AGMO: variants seen among roughly 807,000 people sequenced by gnomAD.
AGMO encodes alkylglycerol monooxygenase, also known as glyceryl-ether monooxygenase.
In AGMO, 75 loss-of-function variants were observed where a neutral mutation model predicts 60.2. The ratio of observed to expected loss-of-function variants is 1.25; its 90% CI spans 1.03 to 1.51. AGMO has a LOEUF of 1.51. Ranked by LOEUF, AGMO falls within the 40% of genes most tolerant of loss-of-function variation. The pLI, the probability that AGMO is intolerant of heterozygous loss-of-function variation, is 0.00. For synonymous variants in AGMO, 261 were observed against 177.1 expected, an observed-to-expected ratio of 1.47 and a Z score of -3.76; for missense variants, 763 against 525.5, an observed-to-expected ratio of 1.45 and a Z score of -4.42.
chr7:15,556,267 G>T (rs1161371965), intron 2 of AGMO, among the ~76,000 whole-genome samples: 2 of 137,478 alleles, frequency 1.5e-5, no homozygotes, highest in East Asian at 4.3e-4. Context: ...TTCTTGTCAG[G>T]AATGGAAAAT....
chr7:15,535,043 T>C (rs1784455075), intron 3 of AGMO, among the ~76,000 whole-genome samples: 1 of 151,970 alleles, frequency 6.6e-6, no homozygotes, highest in South Asian at 2.1e-4. Context: ...GTGAAAATTA[T>C]ACTTTTGTTA....
At chr7:15,338,688 A>G (rs1305344847) in intron 12 of AGMO, among the ~76,000 whole-genome samples, 2 of 152,128 alleles carry the variant, frequency 1.3e-5, no homozygotes. Flanking sequence ...AGGGCTATAT[A>G]CAGCTAGTTG....
At chr7:15,552,982 T>C (rs1237941577) in intron 2 of AGMO, among the ~76,000 whole-genome samples, 1 of 152,068 alleles carries the variant, frequency 6.6e-6, no homozygotes, top group Non-Finnish European at 1.5e-5. Flanking sequence ...CATGGAATAC[T>C]ACACAGCCAT....
chr7:15,241,690 AC>A (rs1265547734), intron 12 of AGMO, among the ~76,000 whole-genome samples: 1 of 151,284 alleles, frequency 6.6e-6, no homozygotes, highest in Admixed American at 6.7e-5. Context: ...CCCCAAAACC[AC>A]TGTGTAACAA....
chr7:15,373,406 A>G (rs900311792), intron 10 of AGMO, among the ~76,000 whole-genome samples: 3 of 152,162 alleles, frequency 2.0e-5, no homozygotes, highest in Non-Finnish European at 4.4e-5. Flanking sequence ...AATAGATGGG[A>G]AAAAAATACT....
At chr7:15,526,508 T>C (rs1281164567) in intron 3 of AGMO, among the ~76,000 whole-genome samples, 1 of 152,156 alleles carries the variant, frequency 6.6e-6, no homozygotes, top group African/African-American at 2.4e-5. Flanking sequence ...ATGCATTGAG[T>C]TATGCGTTTG....
intron 12 of AGMO, among the ~76,000 whole-genome samples, chr7:15,291,088 A>C (rs1050828496): frequency 6.6e-6 from 1 of 152,204 alleles, no homozygotes; most frequent in African/African-American, 2.4e-5. Context: ...TACTTAGAAT[A>C]TAATAATATG....
At chr7:15,207,240 C>T (rs1301315093) in intron 12 of AGMO, among the ~76,000 whole-genome samples, 1 of 152,108 alleles carries the variant, frequency 6.6e-6, no homozygotes. Context: ...CACATGTAAA[C>T]CCATCTGGTT....
intron 3 of AGMO, among the ~76,000 whole-genome samples, chr7:15,491,922 T>G (rs1783076129): frequency 6.6e-6 from 1 of 152,184 alleles, no homozygotes; most frequent in Non-Finnish European, 1.5e-5. Context: ...AAGGAAGGTA[T>G]TGTCTTGCTT....
chr7:15,130,604 G>A, the AGMO span, among the ~76,000 whole-genome samples: 1 of 152,204 alleles, frequency 6.6e-6, no homozygotes, highest in African/African-American at 2.4e-5. Context: ...AGGAACGATT[G>A]AAAATAGGGG....
intron 3 of AGMO, among the ~76,000 whole-genome samples, chr7:15,526,411 G>A (rs2128538398): frequency 6.6e-6 from 1 of 152,288 alleles, no homozygotes; most frequent in South Asian, 2.1e-4. Flanking sequence ...AAATCGGAAA[G>A]TAAAGAGTCT....
intron 12 of AGMO, among the ~76,000 whole-genome samples, chr7:15,353,836 A>T (rs1782349290): frequency 6.6e-6 from 1 of 152,174 alleles, no homozygotes; most frequent in Non-Finnish European, 1.5e-5. Context: ...GGGAGAAGGG[A>T]CAGGTGAGTA....
chr7:15,242,645 G>A (rs1278345915), intron 12 of AGMO, among the ~76,000 whole-genome samples: 1 of 152,052 alleles, frequency 6.6e-6, no homozygotes, highest in Non-Finnish European at 1.5e-5. Flanking sequence ...AAAGAGTTAA[G>A]CATTTCTAGG....
intron 12 of AGMO, among the ~76,000 whole-genome samples, chr7:15,241,408 C>A (rs1218098753): frequency 3.3e-5 from 4 of 121,554 alleles, no homozygotes; most frequent in Admixed American, 1.2e-4. Flanking sequence ...TGCAGTGAGC[C>A]GGGATAGCGC....
In AGMO at chr7:15,385,531, G is replaced by A. The variant is rs1783875552; in HGVS notation, c.989C>T (p.Ser330Phe). The A allele has an allele frequency of 6.2e-7, 1 of 1,612,952 alleles. No homozygotes were observed. Among genetic ancestry groups the A allele is most frequent in the African/African-American group, 1.3e-5 (1 of 74,878 alleles). ...VTGKEVPFSS[S>F]SSQLLKIYTV... is the part of the protein sequence containing the mutation. ...ATATATCTTTAATAGCTGAGATGAA[G>A]ATGATGAGAAGGGAACTTCTTTGCC... Residue 330 changes from serine to phenylalanine, a missense_variant, in exon 10 of 13, where the codon TCT becomes TTT. Coordinates refer to ENST00000342526, the MANE Select transcript of AGMO (RefSeq NM_001004320.2).
intron 12 of AGMO, among the ~76,000 whole-genome samples, chr7:15,261,949 A>G (rs1479569485): frequency 1.3e-5 from 2 of 151,974 alleles, no homozygotes; most frequent in Non-Finnish European, 2.9e-5. Flanking sequence ...CCAGCATCCC[A>G]TTATGATTAA....
At chr7:15,137,260 T>C in the AGMO span, among the ~76,000 whole-genome samples, 3 of 152,232 alleles carry the variant, frequency 2.0e-5, no homozygotes, top group Non-Finnish European at 4.4e-5. Context: ...GTTCAGAAAC[T>C]TCTGAATGAT....
chr7:15,141,585 C>G, the AGMO span, among the ~76,000 whole-genome samples: 4 of 151,770 alleles, frequency 2.6e-5, no homozygotes, highest in South Asian at 8.3e-4. Flanking sequence ...GAATCCGCCT[C>G]AAAACAAACA....
chr7:15,147,854 C>G, the AGMO span, among the ~76,000 whole-genome samples: 1 of 152,114 alleles, frequency 6.6e-6, no homozygotes, highest in Non-Finnish European at 1.5e-5. Flanking sequence ...AATACTGAAA[C>G]ATAAAATCAT....
Sources: gnomAD v4.1 joint callset for allele counts (sites outside exome capture counted in the v4.1 genomes callset) on GRCh38, gnomAD v4.1.1 for gene constraint, MANE v1.5 for transcripts, NCBI Gene and HGNC (gene_info 2026-07-23, HGNC 2026-07-21) for gene names.